ANHX: variants seen among roughly 807,000 people sequenced by gnomAD.
ANHX encodes anomalous homeobox protein.
Under a neutral mutation model 38.9 loss-of-function variants are expected in ANHX, and 20 were observed. The observed-to-expected ratio is 0.51, with a 90% confidence interval of 0.36 to 0.75. The LOEUF is 0.75. ANHX is among the 30% of genes least tolerant of loss of function. The pLI is 0.00. For synonymous variants in ANHX, 185 were observed against 203.1 expected (o/e 0.91, Z 0.76); for missense variants, 475 against 493.1 (o/e 0.96, Z 0.35).
chr12:133,224,663 A>C (rs1276241067), intron 7 of ANHX, among the ~76,000 whole-genome samples: 17 of 11,614 alleles, frequency 1.5e-3, no homozygotes, highest in Middle Eastern at 0.25. Flanking sequence ...ACTCCATCTC[A>C]AAAAAAAAAA....
intron 1 of ANHX, 44 bp downstream of exon 1, chr12:133,235,763 G>A (rs1299416275): frequency 2.9e-5 from 3 of 103,484 alleles, no homozygotes; most frequent in Non-Finnish European, 3.9e-5. Flanking sequence ...CTGCCCCCGC[G>A]CGTCCCTCAT....
chr12:133,228,980 A>C (rs951964345), intron 3 of ANHX, among the ~76,000 whole-genome samples: 4 of 152,060 alleles, frequency 2.6e-5, no homozygotes, highest in African/African-American at 9.7e-5. Context: ...TCCGAAGTTC[A>C]TTTCTCAGCT....
Position 133,231,380 on chromosome 12 carries a change from C to G in ANHX, c.377+137G>C, listed in dbSNP as rs138262177. 106 of 1,229,614 alleles carry G rather than the reference C, an allele frequency of 8.6e-5. No homozygotes were observed. The African/African-American group carries it at 1.6e-3, about 18-fold the overall frequency. The allele number at this position is 1,229,614 out of a possible 1,614,324, so 76.2% of individuals were successfully genotyped here. A position where few individuals can be genotyped will look rare whatever the true frequency, so the allele number is the denominator to read the frequency against. Reference sequence around the variant, plus strand: ...TCATCTTATGCTGACTACACTGTGACTATTACTGCTCCGGCGGACATTTCC... The same window carrying G: ...TCATCTTATGCTGACTACACTGTGAGTATTACTGCTCCGGCGGACATTTCC... On this transcript the variant is annotated intron_variant, in intron 3 of 9. Coordinates refer to ENST00000545940, the MANE Select transcript of ANHX (RefSeq NM_001372060.1).
At position 133,227,072 on chromosome 12, in the gene ANHX, G is replaced by C. The variant is rs1423469218; in HGVS notation, c.582C>G (p.Ala194=). ...GGGCTGGCTTCATGTGCTGGGGAAGGGCTCTTTGGCGGCGCCGGTAATTGG... is the reference window on the plus strand; with the variant it reads ...GGGCTGGCTTCATGTGCTGGGGAAGCGCTCTTTGGCGGCGCCGGTAATTGG... ...WFANYRRRQR[A]LPQHMKPAQQ... is the part of the protein sequence containing the mutation. Residue 194 remains alanine (A), a synonymous_variant, in exon 5 of 10, where the codon GCC becomes GCG. Transcript: ENST00000545940. 1.1e-5 allele frequency: 17 copies of C among 1,536,046 alleles called. No homozygotes were observed. In the South Asian group the frequency reaches 1.9e-4, roughly 17 times the overall value.
chr12:133,232,256 C>A (rs187629125), intron 2 of ANHX, among the ~76,000 whole-genome samples: 1 of 151,784 alleles, frequency 6.6e-6, no homozygotes, highest in Non-Finnish European at 1.5e-5. Flanking sequence ...TTGCTGATGA[C>A]GGAGGATGCC....
rs1041595171 is a variant in ANHX at position 133,221,469 on chromosome 12, C to T, written c.1133-117G>A. ...TGCAGCCTCCGGCCCAGCCAGCCCG[C>T]GCCACGTGAACCAGACTCACGGTCC... On this transcript the variant is annotated intron_variant, in intron 7 of 9. Coordinates refer to ENST00000545940, the MANE Select transcript of ANHX (RefSeq NM_001372060.1). This position sits in a 1 kb window ranked among gnomAD's most constrained non-coding sequence, Gnocchi z 4.1. The T allele has an allele frequency of 1.6e-4, 189 of 1,214,678 alleles. 1 individual carries two copies. Among genetic ancestry groups the T allele is most frequent in the South Asian group, 1.2e-3 (78 of 63,634 alleles). The allele number at this position is 1,214,678 out of a possible 1,614,324, so 75.2% of individuals were successfully genotyped here.
intron 8 of ANHX, among the ~76,000 whole-genome samples, chr12:133,220,640 G>A (rs554868257): frequency 6.6e-6 from 1 of 152,258 alleles, no homozygotes; most frequent in African/African-American, 2.4e-5. Flanking sequence ...AGAGAGGATG[G>A]GGCGTCTGCT....
Position 133,218,628 on chromosome 12 carries a change from C to CG in ANHX, c.*256dup. 1 of 326,534 alleles carries CG rather than the reference C, an allele frequency of 3.1e-6. No individual in the cohort carries two copies. Among genetic ancestry groups the CG allele is most frequent in the Non-Finnish European group, 5.6e-6 (1 of 179,088 alleles). 20.2% of individuals were successfully genotyped at this position (326,534 alleles called of 1,614,324 possible). A position where few individuals can be genotyped will look rare whatever the true frequency, so the allele number is the denominator to read the frequency against. On this transcript the variant is annotated 3_prime_UTR_variant, in exon 10 of 10. Coordinates refer to ENST00000545940, the MANE Select transcript of ANHX (RefSeq NM_001372060.1). The stretch of plus-strand genomic sequence containing the variant: ...CCGGAGCCCGACTGATCCAGTGCTG[C>CG]GTGAGTGGGACAGACCCACCTTTGA...
chr12:133,220,816 C>T (rs1317223752), intron 8 of ANHX, among the ~76,000 whole-genome samples: 3 of 152,234 alleles, frequency 2.0e-5, no homozygotes, highest in Admixed American at 6.5e-5. Context: ...ACAGCAAGTG[C>T]TCACGGACGC....
Position 133,227,050 on chromosome 12 carries a change from C to G in ANHX, c.604G>C (p.Ala202Pro). ...GGGTCTTCAGCTGTGGCCTGCTGGGCTGGCTTCATGTGCTGGGGAAGGGCT... is the reference window on the plus strand; with the variant it reads ...GGGTCTTCAGCTGTGGCCTGCTGGGGTGGCTTCATGTGCTGGGGAAGGGCT... ...QRALPQHMKP[A>P]QQATAEDPGA... The change falls in exon 5 of 10, where the codon GCC becomes CCC. Residue 202 changes from alanine (A) to proline (P), a missense_variant. Transcript: ENST00000545940. 6.5e-7 allele frequency: 1 copy of G among 1,536,052 alleles called. No homozygotes were observed. The highest frequency in any genetic ancestry group is 1.2e-5 in the South Asian group (1 of 84,062).
At chr12:133,226,288 A>G in intron 6 of ANHX, 30 bp downstream of exon 6, 1 of 1,536,212 alleles carries the variant, frequency 6.5e-7, no homozygotes, top group Non-Finnish European at 8.7e-7. Flanking sequence ...AATAGGTGAG[A>G]TGATTCCATG....
chr12:133,223,207 T>C (rs1957135389), intron 7 of ANHX, among the ~76,000 whole-genome samples: 1 of 151,236 alleles, frequency 6.6e-6, no homozygotes. Context: ...AATATATATA[T>C]ATATAACTGT....
At chr12:133,235,067 G>GAC (rs1957345948) in intron 1 of ANHX, 1 of 152,134 alleles carries the variant, frequency 6.6e-6, no homozygotes, top group African/African-American at 2.4e-5. Flanking sequence ...CTGGCGAGGG[G>GAC]TTCTTTCTGC....
intron 2 of ANHX, among the ~76,000 whole-genome samples, chr12:133,232,200 A>AG (rs1957288597): frequency 1.3e-5 from 2 of 152,226 alleles, no homozygotes; most frequent in African/African-American, 4.8e-5. Context: ...AGGGGGATGA[A>AG]GGGGTCCCTG....
intron 1 of ANHX, chr12:133,235,599 G>A (rs538586802): frequency 9.3e-5 from 14 of 150,056 alleles, no homozygotes; most frequent in African/African-American, 3.4e-4. Context: ...CACCCTCCGG[G>A]GCCCCCCTTA....
At chr12:133,219,475 A>T in intron 8 of ANHX, 108 bp from the exon 9 acceptor site, 1 of 715,818 alleles carries the variant, frequency 1.4e-6, no homozygotes, top group Non-Finnish European at 2.3e-6. Context: ...CTAGTACTTG[A>T]CACTCATCAG....
At chr12:133,233,045 G>A (rs1957307650) in intron 2 of ANHX, among the ~76,000 whole-genome samples, 1 of 152,204 alleles carries the variant, frequency 6.6e-6, no homozygotes, top group Non-Finnish European at 1.5e-5. Context: ...AGAAGGGTAG[G>A]TAGGCACTGG....
At chr12:133,234,843 C>G (rs188367971) in intron 1 of ANHX, 25 of 162,956 alleles carry the variant, frequency 1.5e-4, no homozygotes, top group Middle Eastern at 6.4e-3. Context: ...CAGGAGGAAC[C>G]TTTACTTGTT....
At position 133,224,215 on chromosome 12, in the gene ANHX, G is replaced by A. The variant is rs962781530; in HGVS notation, c.1132+1321C>T. 3.3e-5 allele frequency among the ~76,000 whole-genome samples: 5 copies of A among 152,190 alleles called. 1 individual carries two copies. The South Asian group carries it at 8.3e-4, about 25-fold the overall frequency. On this transcript the variant is annotated intron_variant, in intron 7 of 9. Transcript: ENST00000545940. ...AAGGGAAAATGGAGGGCCCCCAACA[G>A]TGAGTTTTCAGATGGGATGCTTCAA...
Sources: allele counts gnomAD v4.1 joint callset (sites outside exome capture counted in the v4.1 genomes callset), GRCh38; gene constraint gnomAD v4.1.1; non-coding constraint Gnocchi (gnomAD v3.1); transcripts MANE v1.5; gene names NCBI Gene and HGNC (gene_info 2026-07-23, HGNC 2026-07-21).